The following BCAR3 variants were observed in gnomAD, a reference collection of about 807,000 sequenced individuals.
BCAR3 encodes the protein BCAR3 adaptor protein, NSP family member.
In BCAR3, 37 loss-of-function variants were observed where a neutral mutation model predicts 80.1. The observed-to-expected ratio is 0.46, with a 90% CI of 0.36 to 0.61. BCAR3 has a LOEUF of 0.61. BCAR3 is among the 20% of genes least tolerant of loss of function. BCAR3 has a pLI of 0.00. For synonymous variants in BCAR3, 389 were observed against 418.9 expected (o/e 0.93, Z 0.87); for missense variants, 978 against 1,068.2 (o/e 0.92, Z 1.18).
At chr1:93,571,338 A>G (rs2101807352) in intron 9 of BCAR3, among the ~76,000 whole-genome samples, 1 of 152,144 alleles carries the variant, frequency 6.6e-6, no homozygotes, top group East Asian at 1.9e-4. Flanking sequence ...TGTCCCTACT[A>G]AAAATACAAA....
intron 3 of BCAR3, among the ~76,000 whole-genome samples, chr1:93,608,947 C>T (rs1262017369): frequency 6.6e-6 from 1 of 152,186 alleles, no homozygotes; most frequent in East Asian, 1.9e-4. Context: ...CTGACAAAGG[C>T]AACTCAGGCC....
In BCAR3 at chr1:93,567,820, A is replaced by G; in HGVS notation, c.2006T>C (p.Leu669Pro). Residue 669 changes from leucine to proline, a missense_variant, in exon 10 of 12, where the codon CTG becomes CCG. Transcript: ENST00000260502. Reference sequence around the variant, plus strand: ...GGCAGTTTGGGTGTACTGGTGCCGCAGAGCAGTCCACGTCTTTTCTAACCT... The same window carrying G: ...GGCAGTTTGGGTGTACTGGTGCCGCGGAGCAGTCCACGTCTTTTCTAACCT... ...ITRLEKTWTA[L>P]RHQYTQTAIL... is the part of the protein sequence containing the mutation. The G allele has an allele frequency of 4.3e-6, 7 of 1,614,200 alleles. No homozygotes were observed. The highest frequency in any genetic ancestry group is 5.9e-6 in the Non-Finnish European group (7 of 1,180,002).
intron 2 of BCAR3, among the ~76,000 whole-genome samples, chr1:93,831,451 AT>A (rs1654560558): frequency 6.6e-6 from 1 of 152,170 alleles, no homozygotes; most frequent in South Asian, 2.1e-4. Context: ...TGGCCAGAGA[AT>A]GGCACTTTCG....
Position 93,562,258 on chromosome 1 carries a change from T to C in BCAR3, c.2461A>G (p.Lys821Glu). ...LSRKLEPPPVKQAEL is the reference protein window; with the variant it reads ...LSRKLEPPPVEQAEL Reference sequence around the variant, plus strand: ...GAGAGTTATCAAAGCTCTGCCTGCTTTACAGGAGGAGGTTCCAATTTACGC... The same window carrying C: ...GAGAGTTATCAAAGCTCTGCCTGCTCTACAGGAGGAGGTTCCAATTTACGC... The change falls in exon 12 of 12, where the codon AAG (lysine) becomes GAG (glutamate). Residue 821 changes from lysine (K) to glutamate (E), a missense_variant. Physicochemically the swap from Lys to Glu is moderately conservative, Grantham distance 56. Coordinates refer to ENST00000260502, the MANE Select transcript of BCAR3 (RefSeq NM_003567.4). 6.2e-7 allele frequency: 1 copy of C among 1,613,772 alleles called. No homozygotes were observed. The highest frequency in any genetic ancestry group is 8.5e-7 in the Non-Finnish European group (1 of 1,179,806).
intron 2 of BCAR3, among the ~76,000 whole-genome samples, chr1:93,712,502 T>C (rs1450833514): frequency 6.6e-6 from 1 of 152,230 alleles, no homozygotes; most frequent in Non-Finnish European, 1.5e-5. Context: ...TTCTGATTTG[T>C]ACTCTCCAGC....
chr1:93,822,788 A>G (rs1238141525), intron 2 of BCAR3, among the ~76,000 whole-genome samples: 1 of 151,868 alleles, frequency 6.6e-6, no homozygotes, highest in African/African-American at 2.4e-5. Flanking sequence ...AGACAAAGTT[A>G]TCTGTAACAG....
Position 93,578,522 on chromosome 1 carries a change from G to A in BCAR3, c.1687-2393C>T, listed in dbSNP as rs139473761. Reference sequence around the variant, plus strand: ...GACAACTAAGTGTCTGTGCATGTGCGTTGCCTGCCGTCTGCAAGATGCTTT... The same window carrying A: ...GACAACTAAGTGTCTGTGCATGTGCATTGCCTGCCGTCTGCAAGATGCTTT... On this transcript the variant is annotated intron_variant, in intron 7 of 11. Coordinates refer to ENST00000260502, the MANE Select transcript of BCAR3 (RefSeq NM_003567.4). 1.1e-3 allele frequency among the ~76,000 whole-genome samples: 162 copies of A among 152,218 alleles called. 1 individual carries two copies. The highest frequency in any genetic ancestry group is 3.5e-3 in the African/African-American group (145 of 41,534).
At chr1:93,639,445 T>G (rs1357775861) in intron 3 of BCAR3, among the ~76,000 whole-genome samples, 1 of 150,986 alleles carries the variant, frequency 6.6e-6, no homozygotes, top group Non-Finnish European at 1.5e-5. Context: ...GGAAGATGGT[T>G]GGAAAGTCTC....
At chr1:93,660,295 C>A (rs1647591018) in intron 2 of BCAR3, among the ~76,000 whole-genome samples, 1 of 152,210 alleles carries the variant, frequency 6.6e-6, no homozygotes, top group Non-Finnish European at 1.5e-5. Context: ...AACAGCACTG[C>A]TGCCAGAGCA....
rs539068033 is a variant in BCAR3 at position 93,702,735 on chromosome 1, C to T, written c.-12+3357G>A. 5.9e-5 allele frequency among the ~76,000 whole-genome samples: 9 copies of T among 152,346 alleles called. No homozygotes were observed. In the South Asian group the frequency reaches 1.9e-3, roughly 32 times the overall value. On this transcript the variant is annotated intron_variant, in intron 3 of 13. Coordinates refer to the BCAR3 transcript ENST00000370244. ...CAGTGGCATGGAACAGGCCAGGTCC[C>T]AGCCCTCCCAGGAGTGCCAGGCATT...
At chr1:93,746,539 A>T (rs565925678) in intron 2 of BCAR3, among the ~76,000 whole-genome samples, 53 of 152,304 alleles carry the variant, frequency 3.5e-4, no homozygotes, top group African/African-American at 1.3e-3. Flanking sequence ...GGGAGAGGCC[A>T]TTATTAAATT....
At chr1:93,719,044 T>C (rs915811427) in intron 2 of BCAR3, among the ~76,000 whole-genome samples, 4 of 152,100 alleles carry the variant, frequency 2.6e-5, no homozygotes, top group Non-Finnish European at 1.5e-5. Context: ...TGGATGATGG[T>C]GCCTCACATG....
At chr1:93,562,709 T>C (rs1000362904) in intron 11 of BCAR3, among the ~76,000 whole-genome samples, 1 of 142,974 alleles carries the variant, frequency 7.0e-6, no homozygotes, top group African/African-American at 2.7e-5. Flanking sequence ...AGGTGGAGCT[T>C]GCAGTGAGCG....
intron 2 of BCAR3, among the ~76,000 whole-genome samples, chr1:93,650,898 T>TA (rs1676301777): frequency 6.6e-6 from 1 of 152,208 alleles, no homozygotes; most frequent in East Asian, 1.9e-4. Flanking sequence ...AGGATACAGT[T>TA]ATCATAGATG....
intron 2 of BCAR3, among the ~76,000 whole-genome samples, chr1:93,813,742 C>T (rs1209005572): frequency 6.6e-6 from 1 of 152,202 alleles, no homozygotes; most frequent in Non-Finnish European, 1.5e-5. Context: ...AACATTGATA[C>T]AATACTACTA....
At position 93,674,919 on chromosome 1, in the gene BCAR3, T is replaced by G; in HGVS notation, c.12A>C (p.Gly4=). 6.4e-7 allele frequency: 1 copy of G among 1,556,606 alleles called. No homozygotes were observed. The highest frequency in any genetic ancestry group is 8.6e-7 in the Non-Finnish European group (1 of 1,158,392). MAA[G]KFASLPRNMP... ...TGTTTCTGGGAAGGCTTGCAAATTT[T>G]CCTGCAGCCATAATTCTCAACTCTA... Residue 4 remains glycine, a synonymous_variant, in exon 2 of 12, where the codon GGA becomes GGC. Transcript: ENST00000260502.
chr1:93,721,810 G>A (rs1301643581), intron 2 of BCAR3, among the ~76,000 whole-genome samples: 1 of 152,186 alleles, frequency 6.6e-6, no homozygotes, highest in East Asian at 1.9e-4. Flanking sequence ...CTGGAGCAAG[G>A]GTTCCTCAGG....
chr1:93,666,892 C>T (rs1328345694), intron 2 of BCAR3, among the ~76,000 whole-genome samples: 6 of 152,122 alleles, frequency 3.9e-5, no homozygotes, highest in South Asian at 2.1e-4. Flanking sequence ...CAGAAGCTGC[C>T]GTCATTGAAC....
At chr1:93,577,981 T>A (rs960465803) in intron 7 of BCAR3, among the ~76,000 whole-genome samples, 4 of 152,152 alleles carry the variant, frequency 2.6e-5, no homozygotes, top group African/African-American at 9.7e-5. Context: ...CTGCATTAGG[T>A]TCCCTGACAA....
Sources: gnomAD v4.1 joint callset for allele counts (sites outside exome capture counted in the v4.1 genomes callset) on GRCh38, gnomAD v4.1.1 for gene constraint, MANE v1.5 for transcripts, NCBI Gene and HGNC (gene_info 2026-07-23, HGNC 2026-07-21) for gene names.